The following BCKDHB variants were observed in gnomAD, a reference collection of about 807,000 sequenced individuals.
BCKDHB encodes branched chain keto acid dehydrogenase E1 subunit beta, also known as 2-oxoisovalerate dehydrogenase subunit beta, mitochondrial.
A neutral mutation model predicts 48.5 loss-of-function variants in BCKDHB; 41 were observed. The observed-to-expected ratio is 0.85, with a 90% CI of 0.66 to 1.10. BCKDHB has a LOEUF of 1.10. Among genes scored for constraint, BCKDHB ranks in the 50% least tolerant of loss-of-function variants. The pLI is 0.00. For missense variants in BCKDHB, 496 were observed against 494.2 expected, an observed-to-expected ratio of 1.00 and a Z score of -0.03; for synonymous variants, 201 against 174.8, an observed-to-expected ratio of 1.15 and a Z score of -1.18.
intron 8 of BCKDHB, among the ~76,000 whole-genome samples, chr6:80,223,301 C>T (rs1316967654): frequency 6.6e-6 from 1 of 151,974 alleles, no homozygotes; most frequent in Non-Finnish European, 1.5e-5. Context: ...TAACTCAGCC[C>T]CCTACAGTGC....
chr6:80,203,852 C>A (rs1468938362), intron 8 of BCKDHB, among the ~76,000 whole-genome samples: 1 of 151,990 alleles, frequency 6.6e-6, no homozygotes, highest in Non-Finnish European at 1.5e-5. Flanking sequence ...TCTTTATATC[C>A]AGTATCTTTC....
chr6:80,393,086 A>G, the BCKDHB span, among the ~76,000 whole-genome samples: 1 of 152,014 alleles, frequency 6.6e-6, no homozygotes, highest in African/African-American at 2.4e-5. Context: ...TAATATTTAC[A>G]TTATTATAAC....
intron 9 of BCKDHB, among the ~76,000 whole-genome samples, chr6:80,292,598 C>A (rs991600164): frequency 6.6e-6 from 1 of 152,032 alleles, no homozygotes; most frequent in Middle Eastern, 3.2e-3. Flanking sequence ...CCATATCATT[C>A]CACCCCAGCC....
At chr6:80,139,385 A>G (rs1015797293) in intron 3 of BCKDHB, among the ~76,000 whole-genome samples, 3 of 152,108 alleles carry the variant, frequency 2.0e-5, no homozygotes, top group East Asian at 1.9e-4. Context: ...GCCCATGCCT[A>G]TGTCTTGAAT....
chr6:80,250,426 C>T (rs1223894170), intron 8 of BCKDHB, among the ~76,000 whole-genome samples: 1 of 152,082 alleles, frequency 6.6e-6, no homozygotes, highest in Non-Finnish European at 1.5e-5. Flanking sequence ...GTATTCAGTC[C>T]ACGCTCAGAG....
intron 8 of BCKDHB, among the ~76,000 whole-genome samples, chr6:80,266,875 G>C (rs1407514483): frequency 6.6e-6 from 1 of 151,966 alleles, no homozygotes; most frequent in African/African-American, 2.4e-5. Context: ...TTATTGAGCG[G>C]CCACATATAC....
At chr6:80,370,285 G>A in the BCKDHB span, among the ~76,000 whole-genome samples, 9 of 152,182 alleles carry the variant, frequency 5.9e-5, no homozygotes, top group East Asian at 3.9e-4. Context: ...CTTTCTCTTC[G>A]GAAAAATAAG....
the BCKDHB span, among the ~76,000 whole-genome samples, chr6:80,421,174 T>C: frequency 1.3e-5 from 2 of 152,114 alleles, no homozygotes; most frequent in African/African-American, 4.8e-5. Flanking sequence ...AGAGTTCTCA[T>C]GGATCTGATG....
chr6:80,107,936 C>T (rs536922430), intron 1 of BCKDHB, among the ~76,000 whole-genome samples: 8 of 152,092 alleles, frequency 5.3e-5, no homozygotes, highest in African/African-American at 1.7e-4. Context: ...CTAATAACTT[C>T]TCATGTGCAT....
At chr6:80,440,181 G>A in the BCKDHB span, among the ~76,000 whole-genome samples, 85 of 152,232 alleles carry the variant, frequency 5.6e-4, no homozygotes, top group East Asian at 0.01. Context: ...ACCAATAAAG[G>A]TAACTTCAGG....
chr6:80,274,476 G>A (rs1385559493), intron 9 of BCKDHB, among the ~76,000 whole-genome samples: 7 of 151,742 alleles, frequency 4.6e-5, no homozygotes, highest in African/African-American at 1.7e-4. Context: ...CAAAGATTAG[G>A]GCAATCATTT....
chr6:80,147,409 A>G (rs1464769129), intron 3 of BCKDHB, among the ~76,000 whole-genome samples: 2 of 152,216 alleles, frequency 1.3e-5, no homozygotes, highest in Non-Finnish European at 2.9e-5. Flanking sequence ...TATTTTTATA[A>G]AATTATATGT....
intron 8 of BCKDHB, among the ~76,000 whole-genome samples, chr6:80,257,366 G>T (rs1777095163): frequency 6.7e-6 from 1 of 148,988 alleles, no homozygotes; most frequent in Non-Finnish European, 1.5e-5. Flanking sequence ...CACTTATATT[G>T]TGTATGTGTA....
the BCKDHB span, among the ~76,000 whole-genome samples, chr6:80,446,901 C>G: frequency 6.6e-6 from 1 of 151,828 alleles, no homozygotes; most frequent in South Asian, 2.1e-4. Context: ...TGGAATGTTT[C>G]TGGTTGGAGA....
chr6:80,257,337 C>G (rs1039981647), intron 8 of BCKDHB, among the ~76,000 whole-genome samples: 1 of 148,386 alleles, frequency 6.7e-6, no homozygotes, highest in Non-Finnish European at 1.5e-5. Context: ...GTATATGTAT[C>G]TATACACACA....
intron 8 of BCKDHB, among the ~76,000 whole-genome samples, chr6:80,210,480 GT>G (rs1298910136): frequency 6.6e-6 from 1 of 152,084 alleles, no homozygotes. Flanking sequence ...GCTGGTAACA[GT>G]TTCTTGTTCT....
chr6:80,288,224 T>G (rs1375637924), intron 9 of BCKDHB, among the ~76,000 whole-genome samples: 1 of 152,168 alleles, frequency 6.6e-6, no homozygotes, highest in African/African-American at 2.4e-5. Flanking sequence ...TTTCTATTAA[T>G]AACAACTTTT....
chr6:80,133,248 C>T (rs1770720480), intron 3 of BCKDHB, among the ~76,000 whole-genome samples: 1 of 152,170 alleles, frequency 6.6e-6, no homozygotes, highest in Non-Finnish European at 1.5e-5. Context: ...TTGTGGGTTA[C>T]TGACATACGT....
intron 8 of BCKDHB, among the ~76,000 whole-genome samples, chr6:80,249,509 T>C (rs1282014824): frequency 1.3e-5 from 2 of 152,194 alleles, no homozygotes; most frequent in Non-Finnish European, 2.9e-5. Flanking sequence ...GTGTATGATA[T>C]ATAAATGAAA....
Sources: allele counts gnomAD v4.1 joint callset (sites outside exome capture counted in the v4.1 genomes callset), GRCh38; gene constraint gnomAD v4.1.1; transcripts MANE v1.5; gene names NCBI Gene and HGNC (gene_info 2026-07-23, HGNC 2026-07-21).